FGF12: variants seen among roughly 807,000 people sequenced by gnomAD.
FGF12 encodes the protein fibroblast growth factor 12, also known as fibroblast growth factor 12B.
A neutral mutation model predicts 23.6 loss-of-function variants in FGF12; 14 were observed. The ratio of observed to expected loss-of-function variants is 0.59; its 90% confidence interval spans 0.39 to 0.93. FGF12 has a LOEUF of 0.93. FGF12 is among the 40% of genes least tolerant of loss of function. The pLI is 0.00. For missense variants in FGF12, 175 were observed against 217.8 expected (o/e 0.80, Z 1.24); for synonymous variants, 62 against 77.3 (o/e 0.80, Z 1.04).
In FGF12 at chr3:192,667,589, C is replaced by T. The variant is rs374106123; in HGVS notation, c.13+59592G>A. Reference sequence around the variant, plus strand: ...CGCTGCCACTGCACTCCAGCCTGGGCGACAGAGCGAGACTCCGTAAAAAAA... The same window carrying T: ...CGCTGCCACTGCACTCCAGCCTGGGTGACAGAGCGAGACTCCGTAAAAAAA... On this transcript the variant is annotated intron_variant, in intron 2 of 5. Coordinates refer to ENST00000445105, the MANE Select transcript of FGF12 (RefSeq NM_004113.6). Among the ~76,000 whole-genome samples, 355 of 119,040 alleles carry T rather than the reference C, an allele frequency of 3.0e-3. 3 individuals are homozygous for T. Among genetic ancestry groups the T allele is most frequent in the African/African-American group, 0.011 (334 of 30,602 alleles). 78.1% of individuals were successfully genotyped at this position (119,040 alleles called of 152,430 possible).
At chr3:192,318,797 A>T (rs1716374517) in intron 4 of FGF12, among the ~76,000 whole-genome samples, 1 of 152,112 alleles carries the variant, frequency 6.6e-6, no homozygotes, top group African/African-American at 2.4e-5. Context: ...TAATAATTAA[A>T]ATTTTAAAGG....
At chr3:192,617,499 A>G (rs1447995714) in intron 2 of FGF12, among the ~76,000 whole-genome samples, 1 of 152,096 alleles carries the variant, frequency 6.6e-6, no homozygotes, top group Non-Finnish European at 1.5e-5. Flanking sequence ...CTGGTTTGGA[A>G]ATCAGCCAGA....
chr3:192,500,515 C>T (rs191890328), intron 2 of FGF12, among the ~76,000 whole-genome samples: 24 of 152,312 alleles, frequency 1.6e-4, no homozygotes, highest in African/African-American at 3.1e-4. Context: ...TATGCCAGTC[C>T]GCTGTGCAAC....
chr3:192,619,453 C>T (rs1390470171), intron 2 of FGF12, among the ~76,000 whole-genome samples: 1 of 152,154 alleles, frequency 6.6e-6, no homozygotes, highest in Admixed American at 6.5e-5. Context: ...CCTTGACTGG[C>T]GTTCCCATCA....
At chr3:192,419,807 A>T (rs1031773052) in intron 2 of FGF12, among the ~76,000 whole-genome samples, 2 of 152,176 alleles carry the variant, frequency 1.3e-5, no homozygotes, top group African/African-American at 2.4e-5. Context: ...CACGGAAAGC[A>T]CATCTTTACT....
chr3:192,436,801 C>T (rs6800280), intron 2 of FGF12, among the ~76,000 whole-genome samples: 63,526 of 152,120 alleles, frequency 0.42, 13,782 homozygotes, highest in South Asian at 0.52. Context: ...AAAACTAGAA[C>T]GCATCCCCCT....
chr3:192,246,077 A>G (rs912498982), intron 4 of FGF12, among the ~76,000 whole-genome samples: 2 of 152,210 alleles, frequency 1.3e-5, no homozygotes, highest in African/African-American at 4.8e-5. Context: ...GAACATAAAC[A>G]TAACTTCAAA....
chr3:192,304,186 A>C, intron 4 of FGF12, among the ~76,000 whole-genome samples: 1 of 151,802 alleles, frequency 6.6e-6, no homozygotes, highest in East Asian at 1.9e-4. Flanking sequence ...TATTCTATAG[A>C]ACCCAAAAAC....
chr3:192,631,018 C>G (rs1241036487), intron 2 of FGF12, among the ~76,000 whole-genome samples: 1 of 152,146 alleles, frequency 6.6e-6, no homozygotes, highest in Non-Finnish European at 1.5e-5. Flanking sequence ...ACACAATTTA[C>G]TAAACTGTCT....
At chr3:192,411,083 G>A (rs2108778508) in intron 2 of FGF12, among the ~76,000 whole-genome samples, 1 of 152,238 alleles carries the variant, frequency 6.6e-6, no homozygotes, top group East Asian at 1.9e-4. Flanking sequence ...CTAATAGAAG[G>A]CAAGGAAAAT....
intron 2 of FGF12, among the ~76,000 whole-genome samples, chr3:192,440,234 A>G (rs1262409325): frequency 6.6e-6 from 1 of 152,162 alleles, no homozygotes; most frequent in Non-Finnish European, 1.5e-5. Flanking sequence ...GAGCAACAGG[A>G]AATCTATTGA....
At chr3:192,630,063 C>G (rs1715324961) in intron 2 of FGF12, among the ~76,000 whole-genome samples, 1 of 152,068 alleles carries the variant, frequency 6.6e-6, no homozygotes, top group South Asian at 2.1e-4. Flanking sequence ...TCACACCATC[C>G]CCTTGGTGCT....
intron 2 of FGF12, among the ~76,000 whole-genome samples, chr3:192,496,920 G>A (rs144329149): frequency 1.3e-5 from 2 of 152,086 alleles, no homozygotes; most frequent in East Asian, 1.9e-4. Flanking sequence ...AACATTGCAG[G>A]CTTAGTCCTT....
intron 2 of FGF12, among the ~76,000 whole-genome samples, chr3:192,650,298 A>G (rs1430041980): frequency 6.6e-6 from 1 of 152,206 alleles, no homozygotes; most frequent in Non-Finnish European, 1.5e-5. Flanking sequence ...ACCTACACAA[A>G]TTCTGCATTT....
intron 2 of FGF12, among the ~76,000 whole-genome samples, chr3:192,423,617 C>T (rs1721603195): frequency 6.6e-6 from 1 of 152,100 alleles, no homozygotes; most frequent in Non-Finnish European, 1.5e-5. Flanking sequence ...CAGGCTTATG[C>T]CCTCATTTTA....
intron 2 of FGF12, among the ~76,000 whole-genome samples, chr3:192,472,818 CA>C (rs1248277783): frequency 1.3e-5 from 2 of 152,166 alleles, no homozygotes; most frequent in Non-Finnish European, 2.9e-5. Flanking sequence ...GACAAAAACA[CA>C]AAGCCTGTGT....
At chr3:192,628,627 G>C (rs1003293269) in intron 2 of FGF12, among the ~76,000 whole-genome samples, 3 of 150,014 alleles carry the variant, frequency 2.0e-5, no homozygotes, top group African/African-American at 7.3e-5. Context: ...CTGTGAGCCT[G>C]TGATTTCATT....
chr3:192,409,070 G>T lies in FGF12; in HGVS notation c.14-48532C>A. On this transcript the variant is annotated intron_variant, in intron 2 of 5. Transcript: ENST00000445105. This position sits in a 1 kb window ranked among gnomAD's most constrained non-coding sequence, Gnocchi z 4.8. ...GCACTGCAAAGAGAGCGGGAGGCGA[G>T]GGAGGGGGGAGGGCGCGAGGGAGGG... 1.2e-6 allele frequency: 1 copy of T among 854,500 alleles called. No individual in the cohort carries two copies. Among genetic ancestry groups the T allele is most frequent in the Non-Finnish European group, 1.4e-6 (1 of 710,826 alleles). 52.9% of individuals were successfully genotyped at this position (854,500 alleles called of 1,614,324 possible).
At chr3:192,656,318 C>G (rs1410962509) in intron 2 of FGF12, among the ~76,000 whole-genome samples, 1 of 76,982 alleles carries the variant, frequency 1.3e-5, no homozygotes, top group Non-Finnish European at 3.7e-5. Flanking sequence ...CACACACACA[C>G]ACAGAGAGAG....
Sources: allele counts gnomAD v4.1 joint callset (sites outside exome capture counted in the v4.1 genomes callset), GRCh38; gene constraint gnomAD v4.1.1; non-coding constraint Gnocchi (gnomAD v3.1); transcripts MANE v1.5; gene names NCBI Gene and HGNC (gene_info 2026-07-23, HGNC 2026-07-21).